Variants in DYNLT5 observed in about 807,000 individuals in gnomAD.
DYNLT5 encodes the protein dynein light chain Tctex-type 5.
Under a neutral mutation model 19.3 loss-of-function variants are expected in DYNLT5, and 25 were observed. The ratio of observed to expected loss-of-function variants is 1.30; its 90% CI spans 0.95 to 1.81. The LOEUF (loss-of-function observed/expected upper bound fraction) is 1.81. Ranked by LOEUF, DYNLT5 falls within the 40% of genes most tolerant of loss-of-function variation. The probability of loss-of-function intolerance (pLI) is 0.00; values close to 1 mark genes in which losing one functional copy is unlikely to be tolerated. For synonymous variants in DYNLT5, 82 were observed against 68.9 expected (o/e 1.19, Z -0.94); for missense variants, 232 against 217.9 (o/e 1.06, Z -0.41).
rs778373054 is a variant in DYNLT5, at chr1:66,777,394, T to C, written c.480T>C (p.Tyr160=). The C allele has an allele frequency of 1.9e-5, 31 of 1,613,938 alleles. No homozygotes were observed. The highest frequency in any genetic ancestry group is 2.2e-5 in the East Asian group (1 of 44,854). ...WDPKSDTFSS[Y]VFRNSSLFAL... ...CTAAAAGTGATACCTTTTCATCTTA[T>C]GTTTTCAGAAATTCTTCTCTCTTCG... is the stretch of plus-strand genomic sequence containing the variant. Residue 160 remains tyrosine, a synonymous_variant, in exon 5 of 5, where the codon TAT becomes TAC. Transcript: ENST00000282670.
At chr1:66,773,376 T>C (rs1411307530) in intron 3 of DYNLT5, among the ~76,000 whole-genome samples, 1 of 152,192 alleles carries the variant, frequency 6.6e-6, no homozygotes, top group Non-Finnish European at 1.5e-5. Context: ...CCTGTCTCTA[T>C]GTCAGGTTTT....
intron 3 of DYNLT5, among the ~76,000 whole-genome samples, chr1:66,773,804 G>T (rs1469887048): frequency 6.6e-6 from 1 of 151,246 alleles, no homozygotes; most frequent in African/African-American, 2.4e-5. Flanking sequence ...TTTGCCTTTT[G>T]ATTTCTAAAA....
chr1:66,756,788 C>A (rs1208925684), intron 2 of DYNLT5, among the ~76,000 whole-genome samples: 1 of 152,200 alleles, frequency 6.6e-6, no homozygotes, highest in African/African-American at 2.4e-5. Context: ...ATCTTCCCCA[C>A]CATCTTGCGG....
chr1:66,756,334 A>G (rs991565148), intron 2 of DYNLT5, among the ~76,000 whole-genome samples: 2 of 152,070 alleles, frequency 1.3e-5, no homozygotes, highest in African/African-American at 4.8e-5. Flanking sequence ...CCCCCACCCC[A>G]TGCTAACTTG....
chr1:66,773,472 T>G (rs1645215761), intron 3 of DYNLT5, among the ~76,000 whole-genome samples: 1 of 152,208 alleles, frequency 6.6e-6, no homozygotes, highest in Non-Finnish European at 1.5e-5. Flanking sequence ...GTCTCCAGAC[T>G]TACGTCCTCT....
At chr1:66,756,229 A>G (rs1388877558) in intron 2 of DYNLT5, among the ~76,000 whole-genome samples, 2 of 152,244 alleles carry the variant, frequency 1.3e-5, no homozygotes, top group South Asian at 2.1e-4. Flanking sequence ...TCCCAAACAA[A>G]ACATTTAGAA....
chr1:66,765,744 T>C (rs1363308873), intron 2 of DYNLT5, among the ~76,000 whole-genome samples: 1 of 151,832 alleles, frequency 6.6e-6, no homozygotes, highest in Non-Finnish European at 1.5e-5. Flanking sequence ...CAAGCAATTC[T>C]CCGGCCTCAG....
At chr1:66,758,395 G>A (rs111319169) in intron 2 of DYNLT5, among the ~76,000 whole-genome samples, 3 of 151,716 alleles carry the variant, frequency 2.0e-5, no homozygotes, top group African/African-American at 7.3e-5. Flanking sequence ...GTGACATGAT[G>A]TCTAGGCTTG....
chr1:66,759,234 G>A (rs1484381285), intron 2 of DYNLT5, among the ~76,000 whole-genome samples: 1 of 152,202 alleles, frequency 6.6e-6, no homozygotes, highest in African/African-American at 2.4e-5. Flanking sequence ...GGAGGAAAAT[G>A]AAGCTGGCCT....
In DYNLT5 at chr1:66,762,973, GT is replaced by G. The variant is rs1304526641; in HGVS notation, c.120-7412del. Among the ~76,000 whole-genome samples the G allele has an allele frequency of 1.1e-4, 16 of 152,166 alleles. No individual in the cohort carries two copies. In the East Asian group the frequency reaches 3.1e-3, roughly 29 times the overall value. On this transcript the variant is annotated intron_variant, in intron 2 of 4. Transcript: ENST00000282670. ...GTATGCATGTATCAAAATATCACATGTTCCCCATAAAAATGTATCACTATGA... is the reference window on the plus strand; with the variant it reads ...GTATGCATGTATCAAAATATCACATGTCCCCATAAAAATGTATCACTATGA...
chr1:66,771,488 ACTT>A (rs1645204306), intron 3 of DYNLT5, among the ~76,000 whole-genome samples: 1 of 152,228 alleles, frequency 6.6e-6, no homozygotes. Context: ...CCAATCAAAG[ACTT>A]TGAGATTAAA....
At chr1:66,774,303 A>G (rs1372173898) in intron 3 of DYNLT5, among the ~76,000 whole-genome samples, 2 of 152,102 alleles carry the variant, frequency 1.3e-5, no homozygotes, top group Non-Finnish European at 2.9e-5. Flanking sequence ...AATTCCAAAA[A>G]AAGACTCTCA....
chr1:66,754,015 A>C (rs2094631744), intron 1 of DYNLT5, among the ~76,000 whole-genome samples: 1 of 151,572 alleles, frequency 6.6e-6, no homozygotes, highest in East Asian at 1.9e-4. Flanking sequence ...TGGGAGGCTG[A>C]AGCAGGATTG....
At position 66,777,538 on chromosome 1, in the gene DYNLT5, C is replaced by A; in HGVS notation, c.*84C>A. The A allele has an allele frequency of 8.2e-7, 1 of 1,214,616 alleles. No individual in the cohort carries two copies. Among genetic ancestry groups the A allele is most frequent in the Admixed American group, 2.4e-5 (1 of 41,596 alleles). The allele number at this position is 1,214,616 out of a possible 1,614,324, so 75.2% of individuals were successfully genotyped here. ...TACACAAAAGTTTTACTGCCAAAAA[C>A]TTTGAGAAAGAAACAACACTGATAT... On this transcript the variant is annotated 3_prime_UTR_variant, in exon 5 of 5. Coordinates refer to ENST00000282670, the MANE Select transcript of DYNLT5 (RefSeq NM_152665.3).
chr1:66,776,200 A>G, intron 3 of DYNLT5, 79 bp from the exon 4 acceptor site: 1 of 1,511,852 alleles, frequency 6.6e-7, no homozygotes, highest in Non-Finnish European at 8.9e-7. Flanking sequence ...ATGTTTCCAT[A>G]CTCTTTTGAT....
At position 66,768,820 on chromosome 1, in the gene DYNLT5, T is replaced by C. The variant is rs570169535; in HGVS notation, c.120-1567T>C. On this transcript the variant is annotated intron_variant, in intron 2 of 4. Coordinates refer to ENST00000282670, the MANE Select transcript of DYNLT5 (RefSeq NM_152665.3). ...GTCCCTATTTTCATTCTGTCTGTTATAATCATACTTGGGACTTTGTCACTA... is the reference window on the plus strand; with the variant it reads ...GTCCCTATTTTCATTCTGTCTGTTACAATCATACTTGGGACTTTGTCACTA... The C allele has an allele frequency of 2.6e-5, 4 of 152,322 alleles. No homozygotes were observed. The South Asian group carries it at 8.3e-4, about 32-fold the overall frequency. The allele number at this position is 152,322 out of a possible 1,614,324, so 9.4% of individuals were successfully genotyped here.
rs115631286 is a variant in DYNLT5 at position 66,753,176 on chromosome 1, C to A, written c.-4+592C>A. On this transcript the variant is annotated intron_variant, in intron 1 of 4. Transcript: ENST00000282670. ...GTGCACACACACACCACGCTGCCTGCCTCACCCACACACAGCACCTCTGCT... is the reference window on the plus strand; with the variant it reads ...GTGCACACACACACCACGCTGCCTGACTCACCCACACACAGCACCTCTGCT... Among the ~76,000 whole-genome samples, 908 of 152,272 alleles carry A rather than the reference C, an allele frequency of 6.0e-3. 15 individuals are homozygous for A. Among genetic ancestry groups the A allele is most frequent in the African/African-American group, 0.021 (870 of 41,538 alleles).
chr1:66,770,168 A>G (rs186147447), intron 2 of DYNLT5, among the ~76,000 whole-genome samples: 234 of 152,306 alleles, frequency 1.5e-3, no homozygotes, highest in African/African-American at 5.2e-3. Context: ...GGCTTCAGCC[A>G]TCACATTGAG....
At chr1:66,773,478 C>G (rs990792864) in intron 3 of DYNLT5, among the ~76,000 whole-genome samples, 4 of 152,184 alleles carry the variant, frequency 2.6e-5, no homozygotes, top group African/African-American at 9.6e-5. Context: ...AGACTTACGT[C>G]CTCTTTCATC....
Sources: allele counts gnomAD v4.1 joint callset (sites outside exome capture counted in the v4.1 genomes callset), GRCh38; gene constraint gnomAD v4.1.1; transcripts MANE v1.5; gene names NCBI Gene and HGNC (gene_info 2026-07-23, HGNC 2026-07-21).